RGS20: variants seen among roughly 807,000 people sequenced by gnomAD.
RGS20 encodes the protein gz-selective GTPase-activating protein.
RGS20 carries 30 observed loss-of-function variants against 33.6 expected under a neutral mutation model. The ratio of observed to expected loss-of-function variants is 0.89; its 90% confidence interval spans 0.67 to 1.21. RGS20 has a LOEUF of 1.21. RGS20 is among the 50% of genes most tolerant of loss of function. RGS20 has a pLI of 0.00. For synonymous variants in RGS20, 208 were observed against 197.9 expected (o/e 1.05, Z -0.43); for missense variants, 472 against 502.4 (o/e 0.94, Z 0.58).
chr8:53,937,146 T>C (rs750251078), intron 2 of RGS20, among the ~76,000 whole-genome samples: 40 of 151,136 alleles, frequency 2.6e-4, no homozygotes, highest in Non-Finnish European at 4.1e-4. Context: ...TGTCGTGGAG[T>C]TGGGGGGAGA....
intron 1 of RGS20, among the ~76,000 whole-genome samples, chr8:53,866,162 C>G (rs905623450): frequency 2.0e-5 from 3 of 151,940 alleles, no homozygotes; most frequent in Non-Finnish European, 2.9e-5. Flanking sequence ...ACACAAAGTC[C>G]CAGGAATGAG....
intron 2 of RGS20, among the ~76,000 whole-genome samples, chr8:53,884,956 T>G (rs948005450): frequency 6.6e-6 from 1 of 152,256 alleles, no homozygotes; most frequent in African/African-American, 2.4e-5. Context: ...TGATTGCATA[T>G]TCTATTAATC....
chr8:53,852,874 A>G (rs920300268), intron 1 of RGS20, among the ~76,000 whole-genome samples: 1 of 152,172 alleles, frequency 6.6e-6, no homozygotes, highest in Non-Finnish European at 1.5e-5. Context: ...TTCTTTACAA[A>G]ATTCTCTAGG....
chr8:53,867,442 T>C (rs1444016647), intron 1 of RGS20, among the ~76,000 whole-genome samples: 1 of 152,172 alleles, frequency 6.6e-6, no homozygotes, highest in African/African-American at 2.4e-5. Context: ...ATGAACCTTG[T>C]TGACTTGTTT....
intron 1 of RGS20, among the ~76,000 whole-genome samples, chr8:53,863,839 G>A (rs1811862296): frequency 6.8e-6 from 1 of 146,960 alleles, no homozygotes; most frequent in Non-Finnish European, 1.5e-5. Context: ...CAATTCTCCT[G>A]TCTCAGCCTC....
chr8:53,923,073 T>C (rs1006399721), intron 2 of RGS20, among the ~76,000 whole-genome samples: 5 of 152,228 alleles, frequency 3.3e-5, no homozygotes, highest in Non-Finnish European at 7.3e-5. Context: ...TTTTCTCTTA[T>C]ATGTAGCTCC....
intron 2 of RGS20, among the ~76,000 whole-genome samples, chr8:53,925,660 G>GGGAGGT (rs1284661615): frequency 6.6e-6 from 1 of 151,806 alleles, no homozygotes; most frequent in African/African-American, 2.4e-5. Context: ...ACTTGAATCC[G>GGGAGGT]GGAGGTGGAG....
chr8:53,956,234 ATT>A (rs1486350977), intron 5 of RGS20, among the ~76,000 whole-genome samples: 2 of 152,174 alleles, frequency 1.3e-5, no homozygotes, highest in Non-Finnish European at 2.9e-5. Flanking sequence ...GTATACACAG[ATT>A]GTGCCAGAAA....
chr8:53,954,326 A>G lies in RGS20; in HGVS notation c.978+16A>G. On this transcript the variant is annotated intron_variant, in intron 5 of 5. Coordinates refer to ENST00000297313, the MANE Select transcript of RGS20 (RefSeq NM_170587.4). The stretch of plus-strand genomic sequence containing the variant: ...TCCTAAGGAGGTATGTGACCACGAG[A>G]TGCCTTTTCCCAAGGCTGTTGGTAA... 1 of 1,519,642 alleles carries G rather than the reference A, an allele frequency of 6.6e-7. No homozygotes were observed. The highest frequency in any genetic ancestry group is 9.1e-7 in the Non-Finnish European group (1 of 1,096,446). The allele number at this position is 1,519,642 out of a possible 1,614,324, so 94.1% of individuals were successfully genotyped here. A position where few individuals can be genotyped will look rare whatever the true frequency, so the allele number is the denominator to read the frequency against.
intron 2 of RGS20, among the ~76,000 whole-genome samples, chr8:53,938,403 G>C (rs755862203): frequency 6.6e-6 from 1 of 152,170 alleles, no homozygotes; most frequent in Non-Finnish European, 1.5e-5. Flanking sequence ...GACTAAGGGA[G>C]GGATAGCATT....
chr8:53,943,864 G>C (rs1357421997), intron 3 of RGS20, among the ~76,000 whole-genome samples: 2 of 151,530 alleles, frequency 1.3e-5, no homozygotes, highest in Non-Finnish European at 2.9e-5. Context: ...TGCCTCTCAA[G>C]TTTTTTTTGG....
At chr8:53,935,359 C>T (rs187938157) in intron 2 of RGS20, among the ~76,000 whole-genome samples, 5 of 152,010 alleles carry the variant, frequency 3.3e-5, no homozygotes, top group Admixed American at 2.6e-4. Flanking sequence ...GACCACTAGC[C>T]AGACTAATAA....
chr8:53,876,132 A>G (rs912652872), intron 1 of RGS20: 1 of 152,282 alleles, frequency 6.6e-6, no homozygotes, highest in East Asian at 1.9e-4. Context: ...AGGTCATTTC[A>G]TAAAACTAAC....
chr8:53,860,019 A>G (rs1039452557), intron 1 of RGS20, among the ~76,000 whole-genome samples: 2 of 152,200 alleles, frequency 1.3e-5, no homozygotes, highest in Non-Finnish European at 2.9e-5. Context: ...TTGTTTTTCT[A>G]GGTTCTCTAG....
chr8:53,879,477 C>T lies in RGS20; in HGVS notation c.385C>T (p.Leu129Phe). 1 of 1,580,170 alleles carries T rather than the reference C, an allele frequency of 6.3e-7. No individual in the cohort carries two copies. The highest frequency in any genetic ancestry group is 8.6e-7 in the Non-Finnish European group (1 of 1,166,074). Residue 129 changes from leucine to phenylalanine, a missense_variant, in exon 2 of 6, where the codon CTC becomes TTC. This residue lies in a region of RGS20 where 319 missense variants were observed against 283.4 expected (regional missense o/e 1.13). Transcript: ENST00000297313. ...CGAGGAGCTGCCGGGCCGCCTCTCG[C>T]TCCTGCTCGGGGCGGCGCTGGCACT...
intron 2 of RGS20, among the ~76,000 whole-genome samples, chr8:53,891,097 G>A (rs1812698199): frequency 6.6e-6 from 1 of 152,128 alleles, no homozygotes; most frequent in African/African-American, 2.4e-5. Context: ...GTTACTGAAG[G>A]GGACTTGTTC....
intron 4 of RGS20, among the ~76,000 whole-genome samples, chr8:53,948,107 T>C (rs1189199616): frequency 7.3e-6 from 1 of 136,326 alleles, no homozygotes; most frequent in African/African-American, 2.7e-5. Context: ...ATATATATGC[T>C]ATATATAAGA....
intron 3 of RGS20, among the ~76,000 whole-genome samples, chr8:53,943,907 T>C (rs950440866): frequency 3.3e-5 from 5 of 152,022 alleles, no homozygotes; most frequent in African/African-American, 1.2e-4. Flanking sequence ...CATTATTTAC[T>C]GAAACTATTT....
chr8:53,898,101 G>C (rs56137684), intron 2 of RGS20, among the ~76,000 whole-genome samples: 6,395 of 152,162 alleles, frequency 0.042, 319 homozygotes, highest in African/African-American at 0.12. Flanking sequence ...GATCCCACCC[G>C]CTCGCCTTGC....
Sources: allele counts gnomAD v4.1 joint callset (sites outside exome capture counted in the v4.1 genomes callset), GRCh38; gene constraint gnomAD v4.1.1; regional missense constraint gnomAD v4.1.1; transcripts MANE v1.5; gene names NCBI Gene and HGNC (gene_info 2026-07-23, HGNC 2026-07-21).